The following SEMA3D variants were observed in gnomAD, a reference collection of about 807,000 sequenced individuals.
SEMA3D encodes the protein semaphorin 3D, also known as semaphorin-3D.
A neutral mutation model predicts 100.1 loss-of-function variants in SEMA3D; 84 were observed. The ratio of observed to expected loss-of-function variants is 0.84; its 90% CI spans 0.70 to 1.01. The LOEUF (loss-of-function observed/expected upper bound fraction) is 1.01, where lower values mean the gene tolerates loss of function less well. Ranked by LOEUF, SEMA3D falls within the 50% of genes least tolerant of loss-of-function variation. The pLI is 0.00. For missense variants in SEMA3D, 875 were observed against 934.1 expected (o/e 0.94, Z 0.82); for synonymous variants, 312 against 320.7 (o/e 0.97, Z 0.29).
chr7:85,062,633 A>G (rs570763533), intron 8 of SEMA3D, among the ~76,000 whole-genome samples: 63 of 152,336 alleles, frequency 4.1e-4, no homozygotes, highest in Non-Finnish European at 6.9e-4. Context: ...TTTAAATCCA[A>G]TTAAAACAAA....
At chr7:85,081,036 T>G (rs1355140015) in intron 5 of SEMA3D, among the ~76,000 whole-genome samples, 1 of 152,188 alleles carries the variant, frequency 6.6e-6, no homozygotes, top group African/African-American at 2.4e-5. Context: ...TAATTCTTAT[T>G]GTTCTTTCCA....
At chr7:85,237,228 C>T in the SEMA3D span, among the ~76,000 whole-genome samples, 2 of 152,204 alleles carry the variant, frequency 1.3e-5, no homozygotes, top group Non-Finnish European at 2.9e-5. Flanking sequence ...CAACCTTCCT[C>T]ACTATCAACA....
At chr7:85,119,799 C>T (rs1336910010) in intron 3 of SEMA3D, among the ~76,000 whole-genome samples, 1 of 152,096 alleles carries the variant, frequency 6.6e-6, no homozygotes, top group Admixed American at 6.6e-5. Context: ...AGCATGTCAC[C>T]TGAGTGCCCC....
the SEMA3D span, among the ~76,000 whole-genome samples, chr7:85,216,021 A>T: frequency 6.6e-6 from 1 of 152,098 alleles, no homozygotes; most frequent in Admixed American, 6.6e-5. Context: ...AGTTATGCAG[A>T]CCTTCCAAAT....
chr7:85,239,561 C>G, the SEMA3D span, among the ~76,000 whole-genome samples: 2 of 152,282 alleles, frequency 1.3e-5, no homozygotes, highest in East Asian at 3.9e-4. Context: ...TGCAGAGACA[C>G]CTGAGAGTCG....
intron 7 of SEMA3D, among the ~76,000 whole-genome samples, 196 bp downstream of exon 7, chr7:85,067,995 C>A (rs900209056): frequency 5.9e-5 from 9 of 152,090 alleles, no homozygotes; most frequent in Non-Finnish European, 1.3e-4. Context: ...TGTGCAGACA[C>A]CATGGATTGC....
chr7:85,029,747 A>G, intron 12 of SEMA3D: 1 of 239,386 alleles, frequency 4.2e-6, no homozygotes, highest in South Asian at 5.7e-5. Context: ...AACACCGAAG[A>G]ACCCAAATTT....
At chr7:85,181,357 C>CACACACAT (rs1562847489) in intron 1 of SEMA3D, among the ~76,000 whole-genome samples, 15 of 146,704 alleles carry the variant, frequency 1.0e-4, no homozygotes, top group South Asian at 2.1e-4. Flanking sequence ...CACACACACA[C>CACACACAT]ACACATGCAC....
At chr7:85,051,299 C>A (rs1337665999) in intron 9 of SEMA3D, among the ~76,000 whole-genome samples, 4 of 151,900 alleles carry the variant, frequency 2.6e-5, no homozygotes, top group Non-Finnish European at 5.9e-5. Flanking sequence ...AGGCAAAAGT[C>A]ATTGATGATA....
At chr7:85,194,042 A>T in the SEMA3D span, among the ~76,000 whole-genome samples, 2 of 152,292 alleles carry the variant, frequency 1.3e-5, no homozygotes, top group East Asian at 3.9e-4. Flanking sequence ...TAATTTTTGT[A>T]GATAAGCTTT....
At chr7:85,115,506 A>T (rs17647248) in intron 3 of SEMA3D, among the ~76,000 whole-genome samples, 76,890 of 151,974 alleles carry the variant, frequency 0.51, 19,785 homozygotes, top group East Asian at 0.61. Flanking sequence ...TATTCACTGT[A>T]TTAAAGAAAC....
the SEMA3D span, among the ~76,000 whole-genome samples, chr7:85,217,351 T>G: frequency 6.6e-6 from 1 of 152,060 alleles, no homozygotes; most frequent in Admixed American, 6.6e-5. Context: ...GCTACATGCT[T>G]CAGTAATACT....
At chr7:85,214,890 G>T in the SEMA3D span, among the ~76,000 whole-genome samples, 1 of 152,056 alleles carries the variant, frequency 6.6e-6, no homozygotes, top group Non-Finnish European at 1.5e-5. Context: ...ATGTACGTAT[G>T]TACATTTCAC....
chr7:85,217,581 A>AAC, the SEMA3D span, among the ~76,000 whole-genome samples: 2 of 152,076 alleles, frequency 1.3e-5, no homozygotes, highest in South Asian at 4.1e-4. Context: ...ACTGGAGGAT[A>AAC]AGAGAGTGTT....
the SEMA3D span, among the ~76,000 whole-genome samples, chr7:85,212,566 T>C: frequency 1.3e-5 from 2 of 152,132 alleles, no homozygotes; most frequent in East Asian, 3.9e-4. Context: ...TGTAAATGCA[T>C]GTGCATGCAC....
chr7:85,055,853 T>G lies in SEMA3D; in HGVS notation c.725A>C (p.Lys242Thr). Reference protein sequence around the residue: ...ISEHYWLNGAKFIGTFFIPDT... With the variant: ...ISEHYWLNGATFIGTFFIPDT... ...TGGTATGAAGAAAGTTCCAATAAAT[T>G]TTGCTCCTGTTTGAAAGAAAAGAAG... Residue 242 changes from lysine (K) to threonine (T), a missense_variant, in exon 9 of 19, where the codon AAA becomes ACA. Transcript: ENST00000284136. 6.5e-7 allele frequency: 1 copy of G among 1,536,300 alleles called. No homozygotes were observed. Among genetic ancestry groups the G allele is most frequent in the Non-Finnish European group, 8.9e-7 (1 of 1,125,122 alleles).
chr7:85,203,582 G>A, the SEMA3D span, among the ~76,000 whole-genome samples: 1 of 152,126 alleles, frequency 6.6e-6, no homozygotes, highest in Non-Finnish European at 1.5e-5. Flanking sequence ...GTTGCAAGGC[G>A]AGGCTATTTC....
At chr7:85,219,801 T>C in the SEMA3D span, among the ~76,000 whole-genome samples, 1 of 152,088 alleles carries the variant, frequency 6.6e-6, no homozygotes, top group Non-Finnish European at 1.5e-5. Context: ...CTCCCAGCAA[T>C]ATGGTTTAAC....
At chr7:85,012,123 T>C (rs755940453) in intron 17 of SEMA3D, among the ~76,000 whole-genome samples, 12 of 151,764 alleles carry the variant, frequency 7.9e-5, no homozygotes, top group African/African-American at 2.9e-4. Flanking sequence ...CTTCTCCTTC[T>C]TTCAAGATCT....
Sources: allele counts gnomAD v4.1 joint callset (sites outside exome capture counted in the v4.1 genomes callset), GRCh38; gene constraint gnomAD v4.1.1; transcripts MANE v1.5; gene names NCBI Gene and HGNC (gene_info 2026-07-23, HGNC 2026-07-21).